Variants in PLEKHS1 observed in about 807,000 individuals in gnomAD.
PLEKHS1 encodes the protein pleckstrin homology domain containing S1.
In PLEKHS1, 55 loss-of-function variants were observed where a neutral mutation model predicts 51.0. That is an observed-to-expected ratio of 1.08 (90% CI 0.87 to 1.35). The LOEUF is 1.35. Among genes scored for constraint, PLEKHS1 ranks in the 40% most tolerant of loss-of-function variants. The probability of loss-of-function intolerance (pLI) is 0.00; values close to 1 mark genes in which losing one functional copy is unlikely to be tolerated. For synonymous variants in PLEKHS1, 153 were observed against 144.8 expected (o/e 1.06, Z -0.41); for missense variants, 398 against 423.0 (o/e 0.94, Z 0.52).
At chr10:113,767,662 T>A (rs1189763285) in intron 5 of PLEKHS1, among the ~76,000 whole-genome samples, 183 bp downstream of exon 5, 1 of 152,218 alleles carries the variant, frequency 6.6e-6, no homozygotes, top group Non-Finnish European at 1.5e-5. Context: ...TTCCTAGGGC[T>A]GCTATAACAA....
intron 1 of PLEKHS1, among the ~76,000 whole-genome samples, chr10:113,754,116 T>C (rs1274995710): frequency 6.6e-6 from 1 of 152,124 alleles, no homozygotes; most frequent in African/African-American, 2.4e-5. Flanking sequence ...CCTGAATATA[T>C]GTATTTTTTC....
At chr10:113,775,369 C>G (rs1055275657) in intron 10 of PLEKHS1, among the ~76,000 whole-genome samples, 1 of 152,164 alleles carries the variant, frequency 6.6e-6, no homozygotes, top group African/African-American at 2.4e-5. Context: ...TATGGACATG[C>G]AAGTTGCATG....
intron 2 of PLEKHS1, among the ~76,000 whole-genome samples, chr10:113,763,675 C>A (rs1448498585): frequency 1.3e-5 from 2 of 152,106 alleles, no homozygotes; most frequent in African/African-American, 2.4e-5. Flanking sequence ...TGATAGTATA[C>A]CAATTCACAT....
exon 12 of PLEKHS1, chr10:113,780,726 C>T (rs573461694): frequency 1.2e-6 from 2 of 1,605,546 alleles, no homozygotes; most frequent in African/African-American, 1.3e-5. Context: ...CTGAACAGAG[C>T]TCCCAAGAGG....
chr10:113,768,943 C>A, intron 6 of PLEKHS1, 53 bp downstream of exon 6: 1 of 1,334,498 alleles, frequency 7.5e-7, no homozygotes, highest in Non-Finnish European at 1.0e-6. Context: ...AACCCTCTTT[C>A]AATAGAAAAC....
intron 11 of PLEKHS1, among the ~76,000 whole-genome samples, chr10:113,776,808 C>T (rs1254256075): frequency 6.6e-6 from 1 of 152,150 alleles, no homozygotes; most frequent in African/African-American, 2.4e-5. Context: ...ATGTAAAATG[C>T]ATTTTATTTA....
intron 2 of PLEKHS1, among the ~76,000 whole-genome samples, chr10:113,765,724 A>G (rs1449911664): frequency 6.6e-6 from 1 of 152,188 alleles, no homozygotes; most frequent in Non-Finnish European, 1.5e-5. Context: ...TGTTAAACAC[A>G]GTGTTGTTAT....
In PLEKHS1 at chr10:113,768,507, G is replaced by A. The variant is rs1384222971; in HGVS notation, c.360-308G>A. Among the ~76,000 whole-genome samples, 4 of 152,180 alleles carry A rather than the reference G, an allele frequency of 2.6e-5. No homozygotes were observed. The East Asian group carries it at 7.7e-4, about 29-fold the overall frequency. Reference sequence around the variant, plus strand: ...TAGTTACACAAAAATGACACTGACAGGTTAGGGGGCTTGCTTGAGAACACA... The same window carrying A: ...TAGTTACACAAAAATGACACTGACAAGTTAGGGGGCTTGCTTGAGAACACA... On this transcript the variant is annotated intron_variant, in intron 5 of 11. Transcript: ENST00000361048.
At chr10:113,755,412 T>C in intron 2 of PLEKHS1, 107 bp downstream of exon 2, 1 of 1,444,942 alleles carries the variant, frequency 6.9e-7, no homozygotes, top group Non-Finnish European at 9.1e-7. Context: ...TTGTGTATGT[T>C]GTTTTGTTTT....
chr10:113,777,819 G>C, intron 11 of PLEKHS1: 1 of 1,397,392 alleles, frequency 7.2e-7, no homozygotes. Context: ...ATAGAATATT[G>C]CAAGAATTAA....
chr10:113,753,374 T>C (rs867301), intron 1 of PLEKHS1, among the ~76,000 whole-genome samples: 14,737 of 152,244 alleles, frequency 0.097, 797 homozygotes, highest in South Asian at 0.15. Flanking sequence ...ATATTATCCA[T>C]GCATTTTGGG....
chr10:113,773,752 G>T lies in PLEKHS1; in HGVS notation c.673-475G>T, dbSNP rs569074751. On this transcript the variant is annotated intron_variant, in intron 8 of 11. Coordinates refer to ENST00000361048, the Ensembl canonical transcript of PLEKHS1. The stretch of plus-strand genomic sequence containing the variant: ...CAAGTGACTCTCTTTGTTCTAAGGG[G>T]GCTATGGAGAGCTTCCTAAGGGCAG... Among the ~76,000 whole-genome samples, 143 of 152,248 alleles carry T rather than the reference G, an allele frequency of 9.4e-4. 1 individual carries two copies. The Middle Eastern group carries it at 0.01, about 11-fold the overall frequency.
intron 2 of PLEKHS1, among the ~76,000 whole-genome samples, 163 bp from the exon 3 acceptor site, chr10:113,766,248 T>C (rs1418383949): frequency 6.6e-6 from 1 of 152,210 alleles, no homozygotes; most frequent in Admixed American, 6.5e-5. Context: ...GGAATAAGAA[T>C]CATACATTTG....
intron 2 of PLEKHS1, among the ~76,000 whole-genome samples, chr10:113,760,216 T>A (rs1261825408): frequency 2.0e-5 from 3 of 152,374 alleles, no homozygotes; most frequent in South Asian, 4.1e-4. Context: ...TCCCATATAG[T>A]ATTCCATTGT....
chr10:113,773,062 C>T (rs1361701392), intron 8 of PLEKHS1, among the ~76,000 whole-genome samples: 1 of 152,074 alleles, frequency 6.6e-6, no homozygotes, highest in East Asian at 1.9e-4. Context: ...GGGGGTTTTC[C>T]GTAAGATGGT....
In PLEKHS1 at chr10:113,755,321, A is replaced by C; in HGVS notation, c.28+16A>C. On this transcript the variant is annotated intron_variant, in intron 2 of 11. Coordinates refer to ENST00000361048, the Ensembl canonical transcript of PLEKHS1. ...AAGAGTCCAGGTACCCGAGGGGTATAATCGCAGAAGCAGAAATCTTTTTAT... is the reference window on the plus strand; with the variant it reads ...AAGAGTCCAGGTACCCGAGGGGTATCATCGCAGAAGCAGAAATCTTTTTAT... The C allele has an allele frequency of 6.2e-7, 1 of 1,605,368 alleles. No homozygotes were observed. The highest frequency in any genetic ancestry group is 1.7e-4 in the Middle Eastern group (1 of 6,028).
At chr10:113,770,784 C>A (rs540569105) in intron 7 of PLEKHS1, among the ~76,000 whole-genome samples, 2 of 152,148 alleles carry the variant, frequency 1.3e-5, no homozygotes, top group African/African-American at 4.8e-5. Flanking sequence ...CATGATATCT[C>A]CCTCCCCCTA....
At chr10:113,762,058 G>A (rs1027971340) in intron 2 of PLEKHS1, among the ~76,000 whole-genome samples, 1 of 151,950 alleles carries the variant, frequency 6.6e-6, no homozygotes, top group South Asian at 2.1e-4. Context: ...GTAGTTCAAG[G>A]AATTTTTCAG....
intron 7 of PLEKHS1, 136 bp downstream of exon 7, chr10:113,770,036 C>G: frequency 1.4e-6 from 1 of 711,758 alleles, no homozygotes; most frequent in Non-Finnish European, 2.5e-6. Context: ...AGATTCTTAG[C>G]CCTGATGTTT....
Sources: gnomAD v4.1 joint callset for allele counts (sites outside exome capture counted in the v4.1 genomes callset) on GRCh38, gnomAD v4.1.1 for gene constraint, MANE v1.5 for transcripts, NCBI Gene and HGNC (gene_info 2026-07-23, HGNC 2026-07-21) for gene names.